DRP2: variants seen among roughly 807,000 people sequenced by gnomAD.
The protein encoded by DRP2 is dystrophin-related protein 2.
DRP2 carries 29 observed loss-of-function variants against 78.2 expected under a neutral mutation model. That is an observed-to-expected ratio of 0.37 (90% CI 0.28 to 0.51). The LOEUF (loss-of-function observed/expected upper bound fraction) is 0.51. Ranked by LOEUF, DRP2 falls within the 20% of genes least tolerant of loss-of-function variation. The pLI, the probability that DRP2 is intolerant of heterozygous loss-of-function variation, is 0.94. For missense variants in DRP2, 686 were observed against 770.6 expected (o/e 0.89, Z 1.30); for synonymous variants, 290 against 281.9 (o/e 1.03, Z -0.29).
intron 6 of DRP2, among the ~76,000 whole-genome samples, chrX:101,239,790 G>A (rs969593128): frequency 1.8e-5 from 2 of 111,140 alleles, no homozygotes; most frequent in Non-Finnish European, 1.9e-5. Flanking sequence ...TGTTAGCCAG[G>A]ATGGTCTCAA....
At chrX:101,228,804 G>T (rs1922205288) in intron 2 of DRP2, among the ~76,000 whole-genome samples, 1 of 111,001 alleles carries the variant, frequency 9.0e-6, no homozygotes, top group Admixed American at 9.6e-5. Context: ...AGCTACCTGG[G>T]GGTACTGAGG....
rs1569507472 is a variant in DRP2 at position 101,224,180 on chromosome X, G to C, written c.-166-424G>C. Reference sequence around the variant, plus strand: ...CTCCCAAGAATAATAAATGTTTGCTGGGTTTTTTTTGTTTTTTTTTTTTTT... The same window carrying C: ...CTCCCAAGAATAATAAATGTTTGCTCGGTTTTTTTTGTTTTTTTTTTTTTT... On this transcript the variant is annotated intron_variant, in intron 1 of 23. Coordinates refer to ENST00000395209, the MANE Select transcript of DRP2 (RefSeq NM_001939.3). Among the ~76,000 whole-genome samples the C allele has an allele frequency of 1.2e-3, 52 of 42,766 alleles. 3 individuals are homozygous for C. The highest frequency in any genetic ancestry group is 7.2e-3 in the African/African-American group (45 of 6,263). The allele number at this position is 42,766 out of a possible 115,157, so 37.1% of individuals were successfully genotyped here. A position where few individuals can be genotyped will look rare whatever the true frequency, so the allele number is the denominator to read the frequency against.
intron 23 of DRP2, 127 bp downstream of exon 23, chrX:101,260,296 A>C: frequency 1.0e-6 from 1 of 995,280 alleles, no homozygotes; most frequent in Non-Finnish European, 1.4e-6. Flanking sequence ...GTCAGGGATG[A>C]TTGGTTTACT....
chrX:101,254,262 G>C (rs1411484598), intron 17 of DRP2, among the ~76,000 whole-genome samples, 163 bp from the exon 18 acceptor site: 1 of 110,883 alleles, frequency 9.0e-6, no homozygotes, highest in African/African-American at 3.3e-5. Context: ...CCAGTGTTGA[G>C]TTTGGCATAT....
chrX:101,237,533 G>A (rs989906330), intron 4 of DRP2, 86 bp from the exon 5 acceptor site: 1 of 960,604 alleles, frequency 1.0e-6, no homozygotes, highest in African/African-American at 2.0e-5. Flanking sequence ...CTATATTAAA[G>A]TTCCATATAA....
In DRP2 at chrX:101,224,294, T is replaced by A. The variant is rs764422407; in HGVS notation, c.-166-310T>A. 2.1e-4 allele frequency among the ~76,000 whole-genome samples: 18 copies of A among 84,440 alleles called. No individual in the cohort carries two copies. In the East Asian group the frequency reaches 7.3e-3, roughly 34 times the overall value. 73.3% of individuals were successfully genotyped at this position (84,440 alleles called of 115,157 possible). A position where few individuals can be genotyped will look rare whatever the true frequency, so the allele number is the denominator to read the frequency against. On this transcript the variant is annotated intron_variant, in intron 1 of 23. Transcript: ENST00000395209. ...TCTCGGCTGGGAGGCTGAGGCAAGATAATCACTTGAACCCAGGAGGCGGAG... is the reference window on the plus strand; with the variant it reads ...TCTCGGCTGGGAGGCTGAGGCAAGAAAATCACTTGAACCCAGGAGGCGGAG...
At chrX:101,230,496 G>A (rs1301011512) in intron 2 of DRP2, among the ~76,000 whole-genome samples, 1 of 110,733 alleles carries the variant, frequency 9.0e-6, no homozygotes, top group Admixed American at 9.6e-5. Context: ...ACTGCACTCC[G>A]GCCTGGGCAA....
In DRP2 at chrX:101,248,136, G is replaced by T. The variant is rs141866454; in HGVS notation, c.1300G>T (p.Asp434Tyr). The change falls in exon 13 of 24, where the codon GAT (aspartate) becomes TAT (tyrosine). Residue 434 changes from aspartate (D) to tyrosine (Y), a missense_variant. By Grantham distance (160) the Asp-to-Tyr change is radical. Transcript: ENST00000395209. ...TTALEIFNEH[D>Y]LQASEHVMDV... ...AGCCCTGGAAATCTTCAATGAGCAT[G>T]ATCTGCAGGCCAGTGAGCACGTGAT... is the stretch of plus-strand genomic sequence containing the variant. 1.7e-6 allele frequency: 2 copies of T among 1,211,628 alleles called. No homozygotes were observed. The highest frequency in any genetic ancestry group is 3.5e-5 in the African/African-American group (2 of 57,710).
rs201156733 is a variant in DRP2, at chrX:101,254,887, G to A, written c.2143G>A (p.Ala715Thr). The change falls in exon 19 of 24, where the codon GCC (alanine) becomes ACC (threonine). Residue 715 changes from alanine (A) to threonine (T), a missense_variant. Physicochemically the swap from Ala to Thr is moderately conservative, Grantham distance 58. Coordinates refer to ENST00000395209, the MANE Select transcript of DRP2 (RefSeq NM_001939.3). Reference protein sequence around the residue: ...TPASSPMWPHADTHSRIEHFA... With the variant: ...TPASSPMWPHTDTHSRIEHFA... Reference sequence around the variant, plus strand: ...GGCTTCTTCCCCGATGTGGCCACACGCCGACACACACTCCCGAATTGAGCA... The same window carrying A: ...GGCTTCTTCCCCGATGTGGCCACACACCGACACACACTCCCGAATTGAGCA... 5 of 1,211,772 alleles carry A rather than the reference G, an allele frequency of 4.1e-6. No homozygotes were observed. Among genetic ancestry groups the A allele is most frequent in the East Asian group, 3.0e-5 (1 of 33,832 alleles).
Position 101,242,344 on chromosome X carries a change from C to T in DRP2, c.848C>T (p.Ser283Phe). 8.3e-7 allele frequency: 1 copy of T among 1,211,067 alleles called. No homozygotes were observed. Among genetic ancestry groups the T allele is most frequent in the Non-Finnish European group, 1.1e-6 (1 of 895,308 alleles). The change falls in exon 8 of 24, where the codon TCC (serine) becomes TTC (phenylalanine). Residue 283 changes from serine to phenylalanine, a missense_variant. Ser to Phe is a radical substitution (Grantham distance 155). Around this residue, in one of 2 missense-constraint regions of DRP2, gnomAD observed 263 missense variants for 239.1 expected, o/e 1.10. Transcript: ENST00000395209. Reference sequence around the variant, plus strand: ...CTCCAGCTGTTCAAAGAAGAATTCTCCCCCATGAAAGATGGAGTAAAGTTG... The same window carrying T: ...CTCCAGCTGTTCAAAGAAGAATTCTTCCCCATGAAAGATGGAGTAAAGTTG... Reference protein sequence around the residue: ...QAIKLFKEEFSPMKDGVKLVN... With the variant: ...QAIKLFKEEFFPMKDGVKLVN...
At chrX:101,237,801 G>A (rs1922566227) in intron 5 of DRP2, 26 bp downstream of exon 5, 2 of 1,089,476 alleles carry the variant, frequency 1.8e-6, no homozygotes, top group South Asian at 3.0e-5. Flanking sequence ...AGAAGCCGTG[G>A]TGTGTAGCCT....
chrX:101,233,473 A>T (rs1006362148), intron 3 of DRP2, among the ~76,000 whole-genome samples: 1 of 111,772 alleles, frequency 8.9e-6, no homozygotes, highest in African/African-American at 3.3e-5. Context: ...TGTTCCAACT[A>T]TTCCTGTAGG....
Position 101,254,491 on chromosome X carries a change from T to C in DRP2, c.2044T>C (p.Tyr682His). The C allele has an allele frequency of 1.7e-6, 2 of 1,211,791 alleles. No individual in the cohort carries two copies. Among genetic ancestry groups the C allele is most frequent in the South Asian group, 3.5e-5 (2 of 56,985 alleles). The change falls in exon 18 of 24, where the codon TAT becomes CAT. Residue 682 changes from tyrosine (Y) to histidine (H), a missense_variant. Transcript: ENST00000395209. ...AAAGAACAAATTCCGCTCCAAGCAT[T>C]ATTTCAGCAAACACCCTCAGCGAGG... ...TLKNKFRSKH[Y>H]FSKHPQRGYL...
chrX:101,245,366 C>G (rs1922891403), intron 10 of DRP2, 22 bp from the exon 11 acceptor site: 1 of 1,186,963 alleles, frequency 8.4e-7, no homozygotes, highest in South Asian at 1.9e-5. Context: ...GATGCTGGTA[C>G]TATTGATGCT....
At chrX:101,248,796 A>G (rs1303761095) in intron 14 of DRP2, among the ~76,000 whole-genome samples, 197 bp downstream of exon 14, 1 of 112,459 alleles carries the variant, frequency 8.9e-6, no homozygotes, top group Non-Finnish European at 1.9e-5. Context: ...CCTAAGGCCT[A>G]TTACTATTCC....
In DRP2 at chrX:101,224,394, CA is replaced by C. The variant is rs1260706316; in HGVS notation, c.-166-199del. ...TGGGCGACAGAGCGAGACTCCGTCT[CA>C]AAAAAAAAAACAAAAAAAAGCCCAA... is the stretch of plus-strand genomic sequence containing the variant. On this transcript the variant is annotated intron_variant, in intron 1 of 23. Transcript: ENST00000395209. Among the ~76,000 whole-genome samples the C allele has an allele frequency of 1.4e-3, 21 of 15,094 alleles. No homozygotes were observed. The East Asian group carries it at 0.017, about 12-fold the overall frequency. 13.1% of individuals were successfully genotyped at this position (15,094 alleles called of 115,157 possible).
chrX:101,237,671 C>T lies in DRP2; in HGVS notation c.334C>T (p.Gln112Ter). ...CAGTGGAAAGCTTCAGCTCCCTCTT[C>T]AAGAGATTATTGACTGGCTCAGCCA... ...DHSGKLQLPL[Q>*]EIIDWLSQKD... is the part of the protein sequence containing the mutation. The change falls in exon 5 of 24, where the codon CAA becomes TAA. Residue 112 changes from glutamine to a stop codon, truncating the protein, a stop_gained. Coordinates refer to ENST00000395209, the MANE Select transcript of DRP2 (RefSeq NM_001939.3). LOFTEE classifies it high-confidence loss of function. 1 of 1,175,832 alleles carries T rather than the reference C, an allele frequency of 8.5e-7. No homozygotes were observed. The highest frequency in any genetic ancestry group is 1.1e-6 in the Non-Finnish European group (1 of 872,890).
In DRP2 at chrX:101,247,167, A is replaced by G. The variant is rs1922961246; in HGVS notation, c.1252+3A>G. 1.7e-6 allele frequency: 2 copies of G among 1,203,250 alleles called. No individual in the cohort carries two copies. Among genetic ancestry groups the G allele is most frequent in the East Asian group, 6.0e-5 (2 of 33,470 alleles). On this transcript the variant is annotated splice_donor_region_variant and intron_variant, in intron 12 of 23. Transcript: ENST00000395209. ...CAGAGTCCAGAAAGCCCTGCGCTGT[A>G]CGTCTCCTGTTGTACTTCCCTATGA...
At chrX:101,223,924 T>A (rs904590783) in intron 1 of DRP2, among the ~76,000 whole-genome samples, 1 of 110,925 alleles carries the variant, frequency 9.0e-6, no homozygotes, top group Middle Eastern at 4.2e-3. Context: ...ATTGCAGGAA[T>A]TATTTTAGGA....
Sources: gnomAD v4.1 joint callset for allele counts (sites outside exome capture counted in the v4.1 genomes callset) on GRCh38, gnomAD v4.1.1 for gene constraint, gnomAD v4.1.1 regional missense constraint, MANE v1.5 for transcripts, NCBI Gene and HGNC (gene_info 2026-07-23, HGNC 2026-07-21) for gene names.